The following ASZ1 variants were observed in gnomAD, a reference collection of about 807,000 sequenced individuals.
ASZ1 encodes ankyrin repeat, SAM and basic leucine zipper domain-containing protein 1.
In ASZ1, 67 loss-of-function variants were observed where a neutral mutation model predicts 61.8. The observed-to-expected ratio is 1.08, with a 90% confidence interval of 0.89 to 1.33. The LOEUF (loss-of-function observed/expected upper bound fraction) is 1.33, where lower values mean the gene tolerates loss of function less well. Ranked by LOEUF, ASZ1 falls within the 40% of genes most tolerant of loss-of-function variation. ASZ1 has a pLI of 0.00. For missense variants in ASZ1, 577 were observed against 554.5 expected, an observed-to-expected ratio of 1.04 and a Z score of -0.41; for synonymous variants, 193 against 192.7, an observed-to-expected ratio of 1.00 and a Z score of -0.01.
At chr7:117,422,823 T>C (rs1032296130) in intron 2 of ASZ1, among the ~76,000 whole-genome samples, 1 of 152,144 alleles carries the variant, frequency 6.6e-6, no homozygotes, top group Non-Finnish European at 1.5e-5. Flanking sequence ...TGATAAAACA[T>C]GAAGCTAAAA....
chr7:117,383,024 C>T lies in ASZ1; in HGVS notation c.774G>A (p.Leu258=). The part of the protein sequence containing the change: ...LTKEDTICKI[L]TTDSDREKDH... ...CTTTTTCTCTATCAGAATCTGTTGT[C>T]AATATTTTACAAATAGTGTCTTCTT... Residue 258 remains leucine, a synonymous_variant, in exon 7 of 13, where the codon TTG becomes TTA. Transcript: ENST00000284629. 6.3e-7 allele frequency: 1 copy of T among 1,588,594 alleles called. No homozygotes were observed. Among genetic ancestry groups the T allele is most frequent in the Non-Finnish European group, 8.6e-7 (1 of 1,169,412 alleles).
At position 117,419,824 on chromosome 7, in the gene ASZ1, T is replaced by G. The variant is rs908648225; in HGVS notation, c.440+339A>C. On this transcript the variant is annotated intron_variant, in intron 4 of 12. Transcript: ENST00000284629. ...TGTAAAATTGTTTAGTTGTTAAATG[T>G]TATACAGAGAGAACATTAAAAGGCT... Among the ~76,000 whole-genome samples, 8 of 152,330 alleles carry G rather than the reference T, an allele frequency of 5.3e-5. No homozygotes were observed. The South Asian group carries it at 1.7e-3, about 32-fold the overall frequency.
At chr7:117,374,655 G>C (rs1271770634) in intron 10 of ASZ1, among the ~76,000 whole-genome samples, 1 of 151,952 alleles carries the variant, frequency 6.6e-6, no homozygotes. Flanking sequence ...AAATGATTGT[G>C]ATCTCTTAAA....
At chr7:117,401,916 T>A (rs1796689267) in intron 4 of ASZ1, among the ~76,000 whole-genome samples, 1 of 152,162 alleles carries the variant, frequency 6.6e-6, no homozygotes, top group African/African-American at 2.4e-5. Flanking sequence ...GTTACTGCTG[T>A]AAAGTGCATC....
At chr7:117,399,900 A>G (rs1389617916) in intron 4 of ASZ1, among the ~76,000 whole-genome samples, 1 of 152,234 alleles carries the variant, frequency 6.6e-6, no homozygotes, top group African/African-American at 2.4e-5. Context: ...GTTAAAAAGA[A>G]TAAAGTTTAC....
chr7:117,408,454 A>G (rs556434416), intron 4 of ASZ1, among the ~76,000 whole-genome samples: 88 of 152,328 alleles, frequency 5.8e-4, no homozygotes, highest in African/African-American at 2.0e-3. Flanking sequence ...ACAGTATCAC[A>G]GTAGACCATT....
At chr7:117,412,827 G>A (rs182168422) in intron 4 of ASZ1, among the ~76,000 whole-genome samples, 13 of 151,394 alleles carry the variant, frequency 8.6e-5, no homozygotes, top group Non-Finnish European at 1.0e-4. Flanking sequence ...AGGGGGAAAC[G>A]CACAATTTCT....
intron 4 of ASZ1, among the ~76,000 whole-genome samples, chr7:117,393,362 G>T (rs1361319897): frequency 6.6e-6 from 1 of 152,062 alleles, no homozygotes. Context: ...TATGATTATA[G>T]ATTTTTTATT....
intron 4 of ASZ1, among the ~76,000 whole-genome samples, chr7:117,400,063 A>G (rs2188554): frequency 0.19 from 29,499 of 152,082 alleles, 3,058 homozygotes; most frequent in African/African-American, 0.24. Context: ...GAAAAATAAT[A>G]TATTTTCACA....
intron 4 of ASZ1, among the ~76,000 whole-genome samples, chr7:117,395,923 G>A (rs1169406548): frequency 6.6e-6 from 1 of 152,110 alleles, no homozygotes; most frequent in Non-Finnish European, 1.5e-5. Context: ...CTCTGCTGTT[G>A]TATCATGAAC....
intron 7 of ASZ1, 35 bp from the exon 8 acceptor site, chr7:117,382,179 A>C: frequency 7.9e-7 from 1 of 1,261,594 alleles, no homozygotes; most frequent in Non-Finnish European, 1.1e-6. Context: ...ATTTCAGAAC[A>C]GATTATAAAT....
At chr7:117,370,376 A>C (rs747410926) in intron 10 of ASZ1, among the ~76,000 whole-genome samples, 2 of 152,194 alleles carry the variant, frequency 1.3e-5, no homozygotes, top group Non-Finnish European at 2.9e-5. Context: ...TAGCCTGAGA[A>C]GTAGAAGAAA....
intron 4 of ASZ1, among the ~76,000 whole-genome samples, chr7:117,399,935 C>G (rs1051066919): frequency 5.3e-5 from 8 of 152,242 alleles, no homozygotes; most frequent in Middle Eastern, 3.4e-3. Context: ...CATAATTAAA[C>G]TTTATTTCTG....
rs1377335862 is a variant in ASZ1 at position 117,422,337 on chromosome 7, A to C, written c.228T>G (p.Phe76Leu). The change falls in exon 3 of 13, where the codon TTT becomes TTG. Residue 76 changes from phenylalanine to leucine, a missense_variant. By Grantham distance (22) the Phe-to-Leu change is conservative. Coordinates refer to ENST00000284629, the MANE Select transcript of ASZ1 (RefSeq NM_130768.3). ...LDSGISVDSN[F>L]QYGWTPLMYA... ...ACATAAGGGGAGTCCATCCATACTGAAAGTTGGAATCTACACTAATGCCTG... is the reference window on the plus strand; with the variant it reads ...ACATAAGGGGAGTCCATCCATACTGCAAGTTGGAATCTACACTAATGCCTG... The C allele has an allele frequency of 6.2e-7, 1 of 1,613,374 alleles. No individual in the cohort carries two copies. The highest frequency in any genetic ancestry group is 1.3e-5 in the African/African-American group (1 of 74,880).
intron 4 of ASZ1, among the ~76,000 whole-genome samples, chr7:117,412,040 G>GTGTGTATA (rs776740892): frequency 1.4e-5 from 1 of 72,942 alleles, no homozygotes; most frequent in East Asian, 3.7e-4. Flanking sequence ...GTGAAAAGAA[G>GTGTGTATA]TGTGTGTGTG....
In ASZ1 at chr7:117,382,107, G is replaced by C. The variant is rs1490718645; in HGVS notation, c.850C>G (p.His284Asp). 6.3e-7 allele frequency: 1 copy of C among 1,599,842 alleles called. No homozygotes were observed. The highest frequency in any genetic ancestry group is 1.7e-4 in the Middle Eastern group (1 of 6,020). ...GTCATATGTTCAAGTCCAAGACCATGTAAAAATACTTCCAGATCTCCAAAT... is the reference window on the plus strand; with the variant it reads ...GTCATATGTTCAAGTCCAAGACCATCTAAAAATACTTCCAGATCTCCAAAT... ...TAFGDLEVFL[H>D]GLGLEHMTDL... Residue 284 changes from histidine to aspartate, a missense_variant, in exon 8 of 13, where the codon CAT becomes GAT. Physicochemically the swap from His to Asp is moderately conservative, Grantham distance 81. Transcript: ENST00000284629.
intron 4 of ASZ1, among the ~76,000 whole-genome samples, chr7:117,389,395 T>C (rs1027315094): frequency 6.6e-6 from 1 of 152,164 alleles, no homozygotes; most frequent in African/African-American, 2.4e-5. Context: ...AAAATGCATT[T>C]TAAAACTTTT....
chr7:117,367,324 T>C (rs966404922), intron 12 of ASZ1, 28 bp downstream of exon 12: 47 of 1,411,800 alleles, frequency 3.3e-5, no homozygotes, highest in East Asian at 5.3e-5. Flanking sequence ...CCTTCATTTT[T>C]CCCCTCCTTT....
chr7:117,391,120 T>C (rs181108162), intron 4 of ASZ1, among the ~76,000 whole-genome samples: 3 of 152,220 alleles, frequency 2.0e-5, no homozygotes, highest in Admixed American at 6.5e-5. Flanking sequence ...ACTGCTTGTA[T>C]GTCTTTTTTT....
Sources: allele counts gnomAD v4.1 joint callset (sites outside exome capture counted in the v4.1 genomes callset), GRCh38; gene constraint gnomAD v4.1.1; transcripts MANE v1.5; gene names NCBI Gene and HGNC (gene_info 2026-07-23, HGNC 2026-07-21).